The following ENPEP variants were observed in gnomAD, a reference collection of about 807,000 sequenced individuals.
The protein encoded by ENPEP is AP-A.
A neutral mutation model predicts 114.5 loss-of-function variants in ENPEP; 103 were observed. The observed-to-expected ratio is 0.90, with a 90% CI of 0.77 to 1.06. The LOEUF (loss-of-function observed/expected upper bound fraction) is 1.06. ENPEP is among the 50% of genes least tolerant of loss of function. ENPEP has a pLI of 0.00. For missense variants in ENPEP, 1,196 were observed against 1,161.3 expected (o/e 1.03, Z -0.43); for synonymous variants, 420 against 422.0 (o/e 1.00, Z 0.06).
intron 18 of ENPEP, among the ~76,000 whole-genome samples, chr4:110,556,285 A>G (rs925583288): frequency 1.3e-5 from 2 of 151,580 alleles, no homozygotes; most frequent in Non-Finnish European, 2.9e-5. Flanking sequence ...CCAAGAAATA[A>G]CTCCTATTGT....
chr4:110,521,382 A>AAAC (rs1725982440), intron 10 of ENPEP, among the ~76,000 whole-genome samples: 1 of 151,668 alleles, frequency 6.6e-6, no homozygotes. Context: ...TCATCCCTAA[A>AAAC]AATAATAAAA....
At chr4:110,504,129 C>T (rs1353295503) in intron 3 of ENPEP, among the ~76,000 whole-genome samples, 1 of 152,180 alleles carries the variant, frequency 6.6e-6, no homozygotes, top group Non-Finnish European at 1.5e-5. Flanking sequence ...TTGGCAGTTG[C>T]TGTAGCAGAG....
chr4:110,491,050 T>C lies in ENPEP; in HGVS notation c.804T>C (p.Asp268=). ...NMPVAKEESV[D]DKWTRTTFEK... is the part of the protein sequence containing the mutation. ...TTCAATAGAAAGAAGAGTCAGTGGA[T>C]GATAAATGGACTCGAACAACTTTTG... is the stretch of plus-strand genomic sequence containing the variant. Residue 268 remains aspartate (D), a synonymous_variant, in exon 3 of 20, where the codon GAT becomes GAC. Coordinates refer to ENST00000265162, the MANE Select transcript of ENPEP (RefSeq NM_001977.4). 15 of 1,610,254 alleles carry C rather than the reference T, an allele frequency of 9.3e-6. No homozygotes were observed. Among genetic ancestry groups the C allele is most frequent in the Non-Finnish European group, 1.3e-5 (15 of 1,179,208 alleles).
intron 7 of ENPEP, 112 bp downstream of exon 7, chr4:110,513,661 C>T (rs998126889): frequency 7.4e-7 from 1 of 1,359,714 alleles, no homozygotes; most frequent in Admixed American, 2.1e-5. Context: ...CTTTGGAAAA[C>T]AGTGTAGAAG....
intron 1 of ENPEP, among the ~76,000 whole-genome samples, chr4:110,483,807 TC>T (rs1218436708): frequency 2.6e-5 from 4 of 152,236 alleles, no homozygotes; most frequent in Non-Finnish European, 5.9e-5. Context: ...AGACAAGTCA[TC>T]TGATTTTAAT....
chr4:110,523,849 T>C (rs1478223579), intron 10 of ENPEP, among the ~76,000 whole-genome samples: 2 of 152,166 alleles, frequency 1.3e-5, no homozygotes, highest in African/African-American at 4.8e-5. Context: ...CAGTGACATG[T>C]TGGTAGCTTG....
intron 17 of ENPEP, among the ~76,000 whole-genome samples, chr4:110,551,648 T>TATTCCC (rs1420034919): frequency 6.6e-6 from 1 of 152,184 alleles, no homozygotes; most frequent in Non-Finnish European, 1.5e-5. Context: ...TCTATCTGAT[T>TATTCCC]ATTCCCAAGA....
intron 10 of ENPEP, among the ~76,000 whole-genome samples, chr4:110,530,914 T>A (rs903355297): frequency 1.2e-4 from 19 of 152,336 alleles, no homozygotes; most frequent in Admixed American, 1.0e-3. Context: ...TTATGCAATA[T>A]CTTTATTCTA....
At chr4:110,536,725 C>T (rs959108260) in intron 11 of ENPEP, among the ~76,000 whole-genome samples, 1 of 152,208 alleles carries the variant, frequency 6.6e-6, no homozygotes, top group Non-Finnish European at 1.5e-5. Flanking sequence ...CACTACCCAA[C>T]TCTCCTTTGC....
In ENPEP at chr4:110,500,939, C is replaced by T. The variant is rs138433421; in HGVS notation, c.919-5698C>T. Among the ~76,000 whole-genome samples, 885 of 151,968 alleles carry T rather than the reference C, an allele frequency of 5.8e-3. 5 individuals are homozygous for T. The highest frequency in any genetic ancestry group is 0.02 in the African/African-American group (845 of 41,428). The stretch of plus-strand genomic sequence containing the variant: ...ATACATTAAAGGTGGGGTCAGAGAG[C>T]GGGAAAAGTGTGGTGAGGATGAGTG... On this transcript the variant is annotated intron_variant, in intron 3 of 19. Coordinates refer to ENST00000265162, the MANE Select transcript of ENPEP (RefSeq NM_001977.4).
At chr4:110,557,512 G>A (rs1727521811) in intron 18 of ENPEP, among the ~76,000 whole-genome samples, 1 of 152,160 alleles carries the variant, frequency 6.6e-6, no homozygotes, top group Non-Finnish European at 1.5e-5. Context: ...GCAGCAATGG[G>A]GAGCATGAGC....
chr4:110,515,956 T>C (rs1578403689), intron 8 of ENPEP: 1 of 320,772 alleles, frequency 3.1e-6, no homozygotes, highest in East Asian at 8.1e-5. Flanking sequence ...ACCATAAGAG[T>C]CCCAGCCTCA....
At position 110,520,352 on chromosome 4, in the gene ENPEP, C is replaced by A; in HGVS notation, c.1713C>A (p.Pro571=). The A allele has an allele frequency of 1.2e-6, 2 of 1,613,874 alleles. No homozygotes were observed. Among genetic ancestry groups the A allele is most frequent in the Non-Finnish European group, 8.5e-7 (1 of 1,179,928 alleles). ...LLDPRANPSQ[P]PSDLGYTWNI... ...ACCCAAGAGCTAACCCTTCTCAGCC[C>A]CCTTCAGATCTTGGGTAAGGCTCTA... The change falls in exon 10 of 20, where the codon CCC becomes CCA. Residue 571 remains proline, a synonymous_variant. Coordinates refer to ENST00000265162, the MANE Select transcript of ENPEP (RefSeq NM_001977.4).
At chr4:110,496,268 T>C (rs1043854680) in intron 3 of ENPEP, among the ~76,000 whole-genome samples, 3 of 152,224 alleles carry the variant, frequency 2.0e-5, no homozygotes, top group African/African-American at 7.2e-5. Context: ...TTTTGTGCCA[T>C]AGACTTTGAT....
chr4:110,508,981 C>G (rs543234762), intron 4 of ENPEP, among the ~76,000 whole-genome samples: 6 of 152,300 alleles, frequency 3.9e-5, no homozygotes, highest in African/African-American at 1.4e-4. Flanking sequence ...ATTTTGGCCA[C>G]TAATCATCTG....
intron 10 of ENPEP, among the ~76,000 whole-genome samples, chr4:110,526,297 C>G (rs1274583759): frequency 6.6e-6 from 1 of 151,934 alleles, no homozygotes; most frequent in Non-Finnish European, 1.5e-5. Context: ...ACAAACCCCC[C>G]GCCCCAAAAC....
At chr4:110,494,684 C>G (rs1724862895) in intron 3 of ENPEP, among the ~76,000 whole-genome samples, 1 of 152,146 alleles carries the variant, frequency 6.6e-6, no homozygotes, top group African/African-American at 2.4e-5. Flanking sequence ...ATCCTTGTCG[C>G]TCATGAGAAA....
chr4:110,528,435 C>A (rs963870953), intron 10 of ENPEP, among the ~76,000 whole-genome samples: 4 of 152,220 alleles, frequency 2.6e-5, no homozygotes, highest in Non-Finnish European at 4.4e-5. Context: ...CATCTACTTT[C>A]TGTTCAGATG....
chr4:110,480,404 A>G (rs1046298817), intron 1 of ENPEP, among the ~76,000 whole-genome samples: 2 of 152,212 alleles, frequency 1.3e-5, no homozygotes, highest in Non-Finnish European at 2.9e-5. Context: ...AAGGGCCACC[A>G]GAGGGAGTTC....
Sources: allele counts gnomAD v4.1 joint callset (sites outside exome capture counted in the v4.1 genomes callset), GRCh38; gene constraint gnomAD v4.1.1; transcripts MANE v1.5; gene names NCBI Gene and HGNC (gene_info 2026-07-23, HGNC 2026-07-21).